The following MME variants were observed in gnomAD, a reference collection of about 807,000 sequenced individuals.
MME encodes neprilysin.
MME carries 98 observed loss-of-function variants against 113.2 expected under a neutral mutation model. The ratio of observed to expected loss-of-function variants is 0.87; its 90% CI spans 0.74 to 1.02. The LOEUF (loss-of-function observed/expected upper bound fraction) is 1.02, where lower values mean the gene tolerates loss of function less well. MME is among the 50% of genes least tolerant of loss of function. The pLI is 0.00. For missense variants in MME, 836 were observed against 896.0 expected (o/e 0.93, Z 0.86); for synonymous variants, 292 against 300.6 (o/e 0.97, Z 0.30).
intron 3 of MME, among the ~76,000 whole-genome samples, chr3:155,109,347 G>A (rs1279301232): frequency 3.3e-5 from 5 of 152,104 alleles, no homozygotes; most frequent in Non-Finnish European, 7.4e-5. Context: ...ACTGGATCAT[G>A]GGTGGTGTCT....
At chr3:155,118,883 A>G in intron 8 of MME, 72 bp downstream of exon 8, 2 of 1,001,402 alleles carry the variant, frequency 2.0e-6, no homozygotes, top group Non-Finnish European at 3.1e-6. Context: ...AATGAAAAAG[A>G]TAAAGCCAAA....
At chr3:155,130,463 GAGA>G (rs771020977) in intron 8 of MME, among the ~76,000 whole-genome samples, 1 of 152,142 alleles carries the variant, frequency 6.6e-6, no homozygotes, top group Non-Finnish European at 1.5e-5. Context: ...CATGGCTAGG[GAGA>G]AGAAGCCAGA....
At chr3:155,134,869 A>G (rs192055918) in intron 8 of MME, among the ~76,000 whole-genome samples, 10 of 152,206 alleles carry the variant, frequency 6.6e-5, no homozygotes, top group Admixed American at 3.9e-4. Context: ...GTTTAGATTT[A>G]TATATCTCTG....
chr3:155,026,282 G>C (rs1712783309), intron 1 of MME, among the ~76,000 whole-genome samples: 1 of 152,100 alleles, frequency 6.6e-6, no homozygotes, highest in African/African-American at 2.4e-5. Context: ...TGTCAGTCAG[G>C]AAACTCAAAT....
At chr3:155,166,877 C>G in intron 17 of MME, 25 bp from the exon 18 acceptor site, 1 of 1,613,338 alleles carries the variant, frequency 6.2e-7, no homozygotes, top group Non-Finnish European at 8.5e-7. Flanking sequence ...CACAAATAAT[C>G]TCTAACTATC....
chr3:155,154,974 A>G (rs985157455), intron 16 of MME, among the ~76,000 whole-genome samples: 9 of 152,200 alleles, frequency 5.9e-5, no homozygotes, highest in Non-Finnish European at 1.2e-4. Context: ...AGTATCTGCC[A>G]TGGCATCCTC....
chr3:155,171,658 A>C (rs567483760), intron 20 of MME, among the ~76,000 whole-genome samples: 2 of 152,292 alleles, frequency 1.3e-5, no homozygotes, highest in Non-Finnish European at 2.9e-5. Context: ...AGGGATCTCA[A>C]GAGAATCCTT....
intron 1 of MME, among the ~76,000 whole-genome samples, chr3:155,073,144 A>G (rs758131077): frequency 6.6e-6 from 1 of 152,198 alleles, no homozygotes; most frequent in Non-Finnish European, 1.5e-5. Flanking sequence ...GCATATCCCA[A>G]TAGAATCACA....
intron 17 of MME, among the ~76,000 whole-genome samples, chr3:155,161,392 T>C (rs983178913): frequency 6.6e-6 from 1 of 152,144 alleles, no homozygotes; most frequent in Non-Finnish European, 1.5e-5. Flanking sequence ...AGCATTATTC[T>C]AAACCATTCT....
At chr3:155,096,652 A>G (rs1290213745) in intron 3 of MME, among the ~76,000 whole-genome samples, 6 of 152,222 alleles carry the variant, frequency 3.9e-5, no homozygotes, top group Non-Finnish European at 8.8e-5. Flanking sequence ...TACTGCACTT[A>G]TTTGGATGAG....
intron 16 of MME, among the ~76,000 whole-genome samples, chr3:155,151,069 C>T (rs897318566): frequency 2.0e-5 from 3 of 151,850 alleles, no homozygotes; most frequent in South Asian, 2.1e-4. Context: ...AGCAAGAATC[C>T]GTCTAAAAAA....
At chr3:155,036,285 A>T (rs1396209892) in intron 1 of MME, among the ~76,000 whole-genome samples, 1 of 152,234 alleles carries the variant, frequency 6.6e-6, no homozygotes, top group East Asian at 1.9e-4. Flanking sequence ...TATAATTCAC[A>T]ATCAATAAAA....
At chr3:155,026,287 T>G (rs547397740) in intron 1 of MME, among the ~76,000 whole-genome samples, 1 of 152,200 alleles carries the variant, frequency 6.6e-6, no homozygotes, top group Non-Finnish European at 1.5e-5. Flanking sequence ...GTCAGGAAAC[T>G]CAAATGGGTT....
chr3:155,172,335 T>G, intron 21 of MME, 123 bp downstream of exon 21: 1 of 814,072 alleles, frequency 1.2e-6, no homozygotes, highest in Admixed American at 1.9e-5. Context: ...TCACTTTCAT[T>G]GTTTATAATA....
chr3:155,076,266 A>G (rs1032961038), upstream of MME, among the ~76,000 whole-genome samples: 1 of 152,192 alleles, frequency 6.6e-6, no homozygotes, highest in Non-Finnish European at 1.5e-5. Context: ...AAAAGCAAGT[A>G]TATCTATGTT....
rs113109553 is a variant in MME, at chr3:155,056,215, A to C, written c.-10-27943A>C. On this transcript the variant is annotated intron_variant, in intron 1 of 22. Coordinates refer to the MME transcript ENST00000492661. ...TATTATACTTTAAGTTTTAGGGTAC[A>C]TATGCACAATGTGCAGGTTAGTTAC... Among the ~76,000 whole-genome samples, 813 of 152,068 alleles carry C rather than the reference A, an allele frequency of 5.3e-3. 4 individuals are homozygous for C. Among genetic ancestry groups the C allele is most frequent in the African/African-American group, 0.019 (786 of 41,446 alleles).
intron 1 of MME, among the ~76,000 whole-genome samples, chr3:155,033,910 A>T (rs1250460353): frequency 6.6e-6 from 1 of 152,194 alleles, no homozygotes; most frequent in East Asian, 1.9e-4. Context: ...AACTTGAGGC[A>T]ATATAGAATT....
chr3:155,126,091 C>T (rs1719627598), intron 8 of MME, among the ~76,000 whole-genome samples: 1 of 152,016 alleles, frequency 6.6e-6, no homozygotes, highest in African/African-American at 2.4e-5. Flanking sequence ...GATATATCAT[C>T]AAAGGCCACA....
intron 1 of MME, among the ~76,000 whole-genome samples, chr3:155,063,387 A>AT (rs539167525): frequency 0.098 from 10,716 of 108,974 alleles, 967 homozygotes; most frequent in African/African-American, 0.25. Flanking sequence ...ATAAATATAT[A>AT]TTTCATATAT....
Sources: gnomAD v4.1 joint callset for allele counts (sites outside exome capture counted in the v4.1 genomes callset) on GRCh38, gnomAD v4.1.1 for gene constraint, MANE v1.5 for transcripts, NCBI Gene and HGNC (gene_info 2026-07-23, HGNC 2026-07-21) for gene names.